The following PLXNB1 variants were observed in gnomAD, a reference collection of about 807,000 sequenced individuals.
PLXNB1 encodes plexin-B1.
Under a neutral mutation model 209.4 loss-of-function variants are expected in PLXNB1, and 106 were observed. That is an observed-to-expected ratio of 0.51 (90% CI 0.43 to 0.59). The LOEUF is 0.59. Ranked by LOEUF, PLXNB1 falls within the 20% of genes least tolerant of loss-of-function variation. The probability of loss-of-function intolerance (pLI) is 0.00; values close to 1 mark genes in which losing one functional copy is unlikely to be tolerated. For missense variants in PLXNB1, 2,357 were observed against 2,853.2 expected, an observed-to-expected ratio of 0.83 and a Z score of 3.96; for synonymous variants, 1,167 against 1,183.2, an observed-to-expected ratio of 0.99 and a Z score of 0.28.
chr3:48,414,876 G>A lies in PLXNB1; in HGVS notation c.4132C>T (p.Pro1378Ser). 6.2e-7 allele frequency: 1 copy of A among 1,614,068 alleles called. No individual in the cohort carries two copies. Among genetic ancestry groups the A allele is most frequent in the Non-Finnish European group, 8.5e-7 (1 of 1,180,042 alleles). Residue 1378 changes from proline (P) to serine (S), a missense_variant, in exon 21 of 38, where the codon CCC becomes TCC. Transcript: ENST00000296440. ...TCAGGGTTGAGTGGCTGCAGGGTGG[G>A]GTCGGCCTCATAGGAGAAAGGTGTG... ...NPTPFSYEAD[P>S]TLQPLNPEDP...
Position 48,409,396 on chromosome 3 carries a change from G to A in PLXNB1, c.6020C>T (p.Ala2007Val), listed in dbSNP as rs755289308. The change falls in exon 34 of 38, where the codon GCG (alanine) becomes GTG (valine). Residue 2007 changes from alanine (A) to valine (V), a missense_variant. Around this residue, in one of 7 missense-constraint regions of PLXNB1, gnomAD observed 414 missense variants for 520.5 expected, o/e 0.80. Coordinates refer to ENST00000296440, the MANE Select transcript of PLXNB1 (RefSeq NM_001130082.3). This position sits in a 1 kb window ranked among gnomAD's most constrained non-coding sequence, Gnocchi z 5.8. ...GGTCTGTGCAATGACAAGGAGCACC[G>A]CATCCATGTTATCAGATGTTTGCAC... Reference protein sequence around the residue: ...FDVQTSDNMDAVLLVIAQTFM... With the variant: ...FDVQTSDNMDVVLLVIAQTFM... 8.1e-6 allele frequency: 13 copies of A among 1,614,112 alleles called. No homozygotes were observed. Among genetic ancestry groups the A allele is most frequent in the South Asian group, 2.2e-5 (2 of 91,084 alleles).
Position 48,416,273 on chromosome 3 carries a change from A to G in PLXNB1, c.3480+73T>C. ...GGACTGGGAGCCCCACCAAGGAATAACCAGATGGGTTGAGAGGAGCCACCA... is the reference window on the plus strand; with the variant it reads ...GGACTGGGAGCCCCACCAAGGAATAGCCAGATGGGTTGAGAGGAGCCACCA... On this transcript the variant is annotated intron_variant, in intron 17 of 37. Coordinates refer to ENST00000296440, the MANE Select transcript of PLXNB1 (RefSeq NM_001130082.3). The surrounding 1 kb of genome is among the most constrained non-coding windows in gnomAD (Gnocchi z 4.1). The G allele has an allele frequency of 6.4e-7, 1 of 1,554,796 alleles. No individual in the cohort carries two copies. The highest frequency in any genetic ancestry group is 1.7e-5 in the Admixed American group (1 of 58,132).
chr3:48,420,536 G>A (rs1282228783), intron 10 of PLXNB1, 129 bp downstream of exon 10: 16 of 749,478 alleles, frequency 2.1e-5, no homozygotes, highest in South Asian at 1.3e-4. Flanking sequence ...CAGGGAGTCC[G>A]TCACATACAG....
In PLXNB1 at chr3:48,406,480, G is replaced by A. The variant is rs1038678982; in HGVS notation, c.6228+343C>T. On this transcript the variant is annotated intron_variant, in intron 36 of 37. Coordinates refer to ENST00000296440, the MANE Select transcript of PLXNB1 (RefSeq NM_001130082.3). The surrounding 1 kb of genome is among the most constrained non-coding windows in gnomAD (Gnocchi z 4.4). ...CGGTTTCAGGAATGGGAGAGGTGAA[G>A]GGGACACCTGTGCCACCAAGGGAAG... 1.2e-5 allele frequency: 8 copies of A among 656,908 alleles called. No individual in the cohort carries two copies. The highest frequency in any genetic ancestry group is 2.0e-5 in the African/African-American group (1 of 50,732). The allele number at this position is 656,908 out of a possible 1,614,324, so 40.7% of individuals were successfully genotyped here.
rs763861179 is a variant in PLXNB1, at chr3:48,412,661, G to C, written c.4855-41C>G. ...AGGGATGGGAAAAGGGGTTTAGGGG[G>C]ACAGAGGGGCGGGCTCAGAAACCAT... On this transcript the variant is annotated intron_variant, in intron 25 of 37. Transcript: ENST00000296440. The C allele has an allele frequency of 4.4e-6, 7 of 1,607,196 alleles. No individual in the cohort carries two copies. In the South Asian group the frequency reaches 7.7e-5, roughly 18 times the overall value.
At position 48,423,818 on chromosome 3, in the gene PLXNB1, G is replaced by A; in HGVS notation, c.794C>T (p.Pro265Leu). The change falls in exon 3 of 38, where the codon CCT (proline) becomes CTT (leucine). Residue 265 changes from proline (P) to leucine (L), a missense_variant. Coordinates refer to ENST00000296440, the MANE Select transcript of PLXNB1 (RefSeq NM_001130082.3). ...DQHYYSYVEL[P>L]LACEGGRYGL... ...GTAGCGGCCACCTTCGCAGGCCAGA[G>A]GCAACTCCACATAGGAGTAGTAGTG... 6.2e-7 allele frequency: 1 copy of A among 1,613,994 alleles called. No individual in the cohort carries two copies. Among genetic ancestry groups the A allele is most frequent in the South Asian group, 1.1e-5 (1 of 91,088 alleles).
Position 48,417,863 on chromosome 3 carries a change from C to A in PLXNB1, c.3374+48G>T. The A allele has an allele frequency of 6.4e-7, 1 of 1,565,322 alleles. No homozygotes were observed. Among genetic ancestry groups the A allele is most frequent in the Non-Finnish European group, 8.7e-7 (1 of 1,150,948 alleles). ...AGGCCCCAAGCAGCAACGCCAACCGCGGAGGCCCCAGGCTGCGCCGTGCTC... is the reference window on the plus strand; with the variant it reads ...AGGCCCCAAGCAGCAACGCCAACCGAGGAGGCCCCAGGCTGCGCCGTGCTC... On this transcript the variant is annotated intron_variant, in intron 16 of 37. Transcript: ENST00000296440. This position sits in a 1 kb window ranked among gnomAD's most constrained non-coding sequence, Gnocchi z 4.4.
Position 48,412,733 on chromosome 3 carries a change from T to TG in PLXNB1, c.4854+8dup, listed in dbSNP as rs1437389094. 1.2e-6 allele frequency: 2 copies of TG among 1,611,404 alleles called. No homozygotes were observed. The highest frequency in any genetic ancestry group is 2.2e-5 in the South Asian group (2 of 91,054). On this transcript the variant is annotated intron_variant, in intron 25 of 37. Transcript: ENST00000296440. ...CAGGGGCAGGCCAGGAAGATGCAGC[T>TG]GGGGGTACCTTGGTGAGGAAGAGCT...
Position 48,422,906 on chromosome 3 carries a change from G to A in PLXNB1, c.1149C>T (p.Pro383=). 3 of 1,614,076 alleles carry A rather than the reference G, an allele frequency of 1.9e-6. No individual in the cohort carries two copies. The highest frequency in any genetic ancestry group is 1.7e-6 in the Non-Finnish European group (2 of 1,179,980). Residue 383 remains proline, a synonymous_variant, in exon 4 of 38, where the codon CCC becomes CCT. Coordinates refer to ENST00000296440, the MANE Select transcript of PLXNB1 (RefSeq NM_001130082.3). ...GCGGGACCCGGCTGGCCATGGGGCT[G>A]GGCGTGTGGTCTGAGCCACAGGGAT... ...DAYPCGSDHT[P]SPMASRVPLE... is the part of the protein sequence containing the mutation.
chr3:48,415,553 T>G lies in PLXNB1; in HGVS notation c.3794+30A>C, dbSNP rs765963149. On this transcript the variant is annotated intron_variant, in intron 19 of 37. Transcript: ENST00000296440. The surrounding 1 kb of genome is among the most constrained non-coding windows in gnomAD (Gnocchi z 5.0). ...GAGCTGCAAAGACCTCCCTGCCACC[T>G]GCCATGCAGCCACACCCCTGGCCCA... is the stretch of plus-strand genomic sequence containing the variant. 1.4e-5 allele frequency: 21 copies of G among 1,539,206 alleles called. No homozygotes were observed. Among genetic ancestry groups the G allele is most frequent in the Non-Finnish European group, 1.8e-5 (20 of 1,135,696 alleles).
chr3:48,424,487 G>T lies in PLXNB1; in HGVS notation c.125C>A (p.Pro42His). The part of the protein sequence containing the change: ...GTYLQHLARD[P>H]TSGTLYLGAT... ...CCCCAGGTAGAGGGTGCCTGAGGTGGGGTCCCTTGCCAGGTGCTGCAGATA... is the reference window on the plus strand; with the variant it reads ...CCCCAGGTAGAGGGTGCCTGAGGTGTGGTCCCTTGCCAGGTGCTGCAGATA... The change falls in exon 3 of 38, where the codon CCC (proline) becomes CAC (histidine). Residue 42 changes from proline (P) to histidine (H), a missense_variant. By Grantham distance (77) the Pro-to-His change is moderately conservative (BLOSUM62 -2). Transcript: ENST00000296440. 6.2e-7 allele frequency: 1 copy of T among 1,603,366 alleles called. No individual in the cohort carries two copies.
chr3:48,418,578 G>T lies in PLXNB1; in HGVS notation c.2956-36C>A. 1 of 1,527,218 alleles carries T rather than the reference G, an allele frequency of 6.5e-7. No homozygotes were observed. The highest frequency in any genetic ancestry group is 1.2e-5 in the South Asian group (1 of 85,116). The allele number at this position is 1,527,218 out of a possible 1,614,324, so 94.6% of individuals were successfully genotyped here. ...GGGAGTGGGTTCAGAGTCAAGCACTGGGGGAAGTGTCAGGCCTGGGGAGGG... is the reference window on the plus strand; with the variant it reads ...GGGAGTGGGTTCAGAGTCAAGCACTTGGGGAAGTGTCAGGCCTGGGGAGGG... On this transcript the variant is annotated intron_variant, in intron 13 of 37. Transcript: ENST00000296440. The surrounding 1 kb of genome is among the most constrained non-coding windows in gnomAD (Gnocchi z 6.6).
At position 48,411,816 on chromosome 3, in the gene PLXNB1, G is replaced by A. The variant is rs1481849567; in HGVS notation, c.5247+47C>T. Reference sequence around the variant, plus strand: ...ACACACCCACACACTCTCCACCCTCGCCCTCACCGCACTCAGACTGCAGGC... The same window carrying A: ...ACACACCCACACACTCTCCACCCTCACCCTCACCGCACTCAGACTGCAGGC... On this transcript the variant is annotated intron_variant, in intron 28 of 37. Transcript: ENST00000296440. This position sits in a 1 kb window ranked among gnomAD's most constrained non-coding sequence, Gnocchi z 4.0. 8 of 1,598,234 alleles carry A rather than the reference G, an allele frequency of 5.0e-6. No homozygotes were observed. The highest frequency in any genetic ancestry group is 2.7e-5 in the African/African-American group (2 of 74,706).
Position 48,417,814 on chromosome 3 carries a change from G to A in PLXNB1, c.3374+97C>T. On this transcript the variant is annotated intron_variant, in intron 16 of 37. Transcript: ENST00000296440. This position sits in a 1 kb window ranked among gnomAD's most constrained non-coding sequence, Gnocchi z 4.4. The stretch of plus-strand genomic sequence containing the variant: ...CCAGGATCAAGGAACAGGGAGAGAG[G>A]GGGGCAGATGAGCGGTGGGTGGGAG... 15 of 1,292,970 alleles carry A rather than the reference G, an allele frequency of 1.2e-5. No individual in the cohort carries two copies. The highest frequency in any genetic ancestry group is 2.7e-4 in the Middle Eastern group (1 of 3,640). 80.1% of individuals were successfully genotyped at this position (1,292,970 alleles called of 1,614,324 possible). A position where few individuals can be genotyped will look rare whatever the true frequency, so the allele number is the denominator to read the frequency against.
Position 48,411,906 on chromosome 3 carries a change from T to C in PLXNB1, c.5204A>G (p.Asn1735Ser), listed in dbSNP as rs974391074. The change falls in exon 28 of 38, where the codon AAC becomes AGC. Residue 1735 changes from asparagine (N) to serine (S), a missense_variant. Asn to Ser is a conservative substitution (Grantham distance 46, BLOSUM62 1). Coordinates refer to ENST00000296440, the MANE Select transcript of PLXNB1 (RefSeq NM_001130082.3). This position sits in a 1 kb window ranked among gnomAD's most constrained non-coding sequence, Gnocchi z 4.0. Reference protein sequence around the residue: ...SVTGKAKYTLNDNRLLREDVE... With the variant: ...SVTGKAKYTLSDNRLLREDVE... ...ATCCTCTCTGAGCAGGCGGTTGTCG[T>C]TCAAGGTGTATTTGGCCTTGCCTGT... 12 of 1,614,088 alleles carry C rather than the reference T, an allele frequency of 7.4e-6. No homozygotes were observed. The highest frequency in any genetic ancestry group is 1.0e-5 in the Non-Finnish European group (12 of 1,180,002).
At position 48,424,143 on chromosome 3, in the gene PLXNB1, C is replaced by T. The variant is rs1338206419; in HGVS notation, c.469G>A (p.Ala157Thr). 14 of 1,563,374 alleles carry T rather than the reference C, an allele frequency of 9.0e-6. No individual in the cohort carries two copies. The African/African-American group carries it at 1.8e-4, about 20-fold the overall frequency. The change falls in exon 3 of 38, where the codon GCC (alanine) becomes ACC (threonine). Residue 157 changes from alanine to threonine, a missense_variant. Transcript: ENST00000296440. Reference sequence around the variant, plus strand: ...AGGGGCTCCCCTGCCAAGCCCTGGGCTACCAGCCCCACCGTGCTGACCGCA... The same window carrying T: ...AGGGGCTCCCCTGCCAAGCCCTGGGTTACCAGCCCCACCGTGCTGACCGCA... ...DPAVSTVGLV[A>T]QGLAGEPLLF... is the part of the protein sequence containing the mutation.
Position 48,424,479 on chromosome 3 carries a change from C to T in PLXNB1, c.133G>A (p.Gly45Ser). The T allele has an allele frequency of 6.2e-7, 1 of 1,602,632 alleles. No individual in the cohort carries two copies. The highest frequency in any genetic ancestry group is 1.1e-5 in the South Asian group (1 of 88,928). ...LQHLARDPTSGTLYLGATNFL... is the reference protein window; with the variant it reads ...LQHLARDPTSSTLYLGATNFL... ...TTGGTAGCCCCCAGGTAGAGGGTGC[C>T]TGAGGTGGGGTCCCTTGCCAGGTGC... is the stretch of plus-strand genomic sequence containing the variant. The change falls in exon 3 of 38, where the codon GGC becomes AGC. Residue 45 changes from glycine to serine, a missense_variant. Gly to Ser is a moderately conservative substitution (Grantham distance 56). Transcript: ENST00000296440.
intron 1 of PLXNB1, among the ~76,000 whole-genome samples, chr3:48,427,638 C>T (rs1476663534): frequency 6.6e-6 from 1 of 152,208 alleles, no homozygotes; most frequent in East Asian, 1.9e-4. Context: ...TGCCAGTGCT[C>T]CCCCACACAT....
Position 48,410,034 on chromosome 3 carries a change from G to C in PLXNB1, c.5649C>G (p.Pro1883=). ...LEDVDEGGIR[P]WHLVKPSDEP... ...CATCACTTGGCTTCACCAGGTGCCA[G>C]GGCCGGATGCCCCCCTCATCTACAT... The change falls in exon 32 of 38, where the codon CCC becomes CCG. Residue 1883 remains proline, a synonymous_variant. Coordinates refer to ENST00000296440, the MANE Select transcript of PLXNB1 (RefSeq NM_001130082.3). The surrounding 1 kb of genome is among the most constrained non-coding windows in gnomAD (Gnocchi z 6.4). The C allele has an allele frequency of 6.2e-7, 1 of 1,610,450 alleles. No individual in the cohort carries two copies. Among genetic ancestry groups the C allele is most frequent in the Non-Finnish European group, 8.5e-7 (1 of 1,178,010 alleles).
Sources: allele counts gnomAD v4.1 joint callset (sites outside exome capture counted in the v4.1 genomes callset), GRCh38; gene constraint gnomAD v4.1.1; regional missense constraint gnomAD v4.1.1; non-coding constraint Gnocchi (gnomAD v3.1); transcripts MANE v1.5; gene names NCBI Gene and HGNC (gene_info 2026-07-23, HGNC 2026-07-21).